PRKCB: variants seen among roughly 807,000 people sequenced by gnomAD.
PRKCB encodes protein kinase C beta type.
PRKCB carries 13 observed loss-of-function variants against 81.5 expected under a neutral mutation model. The observed-to-expected ratio is 0.16, with a 90% CI of 0.10 to 0.25. PRKCB has a LOEUF of 0.25. Among genes scored for constraint, PRKCB ranks in the 10% least tolerant of loss-of-function variants. The pLI, the probability that PRKCB is intolerant of heterozygous loss-of-function variation, is 1.00. For synonymous variants in PRKCB, 335 were observed against 321.4 expected (o/e 1.04, Z -0.45); for missense variants, 509 against 875.7 (o/e 0.58, Z 5.29).
chr16:24,097,475 A>C (rs931141326), intron 7 of PRKCB, among the ~76,000 whole-genome samples: 8 of 152,236 alleles, frequency 5.3e-5, no homozygotes, highest in Non-Finnish European at 1.0e-4. Flanking sequence ...AACATTGAAC[A>C]AGGAATTACG....
intron 2 of PRKCB, among the ~76,000 whole-genome samples, chr16:23,953,713 C>G (rs1361174018): frequency 1.3e-5 from 2 of 152,100 alleles, no homozygotes; most frequent in African/African-American, 4.8e-5. Flanking sequence ...TTCATTCATT[C>G]ATTTACTTGT....
chr16:24,191,406 T>C (rs1248661991), intron 16 of PRKCB, 176 bp downstream of exon 16: 10 of 664,818 alleles, frequency 1.5e-5, no homozygotes, highest in Middle Eastern at 3.4e-4. Context: ...ACATTTTCCA[T>C]TGGCCCAGCT....
chr16:24,008,953 T>C (rs1169505395), intron 3 of PRKCB, among the ~76,000 whole-genome samples: 1 of 152,222 alleles, frequency 6.6e-6, no homozygotes, highest in Admixed American at 6.5e-5. Context: ...ATCTAGTATT[T>C]GTTTTCCTGT....
At chr16:24,191,294 A>G (rs198145) in intron 16 of PRKCB, 64 bp downstream of exon 16, 626,386 of 1,585,452 alleles carry the variant, frequency 0.4, 126,454 homozygotes, top group African/African-American at 0.52. Flanking sequence ...CCTGTGCCTC[A>G]TGTTTTCCAA....
In PRKCB at chr16:23,961,631, C is replaced by T. The variant is rs196007; in HGVS notation, c.206-26877C>T. ...ATTTCTAAACCAATCACAGTTGCCACGGAGATGTAATACAGGTTGAGCATC... is the reference window on the plus strand; with the variant it reads ...ATTTCTAAACCAATCACAGTTGCCATGGAGATGTAATACAGGTTGAGCATC... On this transcript the variant is annotated intron_variant, in intron 2 of 16. Transcript: ENST00000643927. Among the ~76,000 whole-genome samples the T allele has an allele frequency of 3.9e-3, 590 of 152,228 alleles. 4 individuals are homozygous for T. Among genetic ancestry groups the T allele is most frequent in the Non-Finnish European group, 7.3e-3 (496 of 68,020 alleles).
intron 2 of PRKCB, among the ~76,000 whole-genome samples, chr16:23,909,327 C>T (rs1369688959): frequency 6.6e-6 from 1 of 152,082 alleles, no homozygotes; most frequent in East Asian, 1.9e-4. Context: ...GCTTAAGTGA[C>T]GGAAATGTAT....
Position 23,912,507 on chromosome 16 carries a change from C to CTTTTTTTTTTTTTT in PRKCB, c.205+75111_205+75124dup, listed in dbSNP as rs1210105406. ...TCTTCTTTTCCTTTCTTTCTTTCTT[C>CTTTTTTTTTTTTTT]TTTTTTTTTTTTTTTTTTTTTTTGA... On this transcript the variant is annotated intron_variant, in intron 2 of 16. Coordinates refer to ENST00000643927, the MANE Select transcript of PRKCB (RefSeq NM_002738.7). 1.1e-3 allele frequency among the ~76,000 whole-genome samples: 77 copies of CTTTTTTTTTTTTTT among 72,084 alleles called. 3 individuals carry two copies. The highest frequency in any genetic ancestry group is 1.9e-3 in the East Asian group (4 of 2,142). 47.3% of individuals were successfully genotyped at this position (72,084 alleles called of 152,430 possible).
intron 2 of PRKCB, among the ~76,000 whole-genome samples, chr16:23,969,990 T>C (rs1349123093): frequency 1.3e-5 from 2 of 152,188 alleles, no homozygotes; most frequent in African/African-American, 2.4e-5. Flanking sequence ...TTCCAGGCTA[T>C]TTTTGAGCCC....
chr16:24,194,361 C>CA (rs568973066), intron 16 of PRKCB, among the ~76,000 whole-genome samples: 3,304 of 147,482 alleles, frequency 0.022, 55 homozygotes, highest in Non-Finnish European at 0.029. Context: ...CAAAAAACAA[C>CA]AAAAAAAAAA....
chr16:24,089,388 A>G (rs527465688), intron 5 of PRKCB, among the ~76,000 whole-genome samples: 3 of 152,270 alleles, frequency 2.0e-5, no homozygotes, highest in Non-Finnish European at 2.9e-5. Flanking sequence ...GGTTCGAGTA[A>G]ACATCGAATG....
intron 2 of PRKCB, among the ~76,000 whole-genome samples, chr16:23,933,107 A>T (rs1964001195): frequency 6.6e-6 from 1 of 152,200 alleles, no homozygotes; most frequent in Non-Finnish European, 1.5e-5. Context: ...CCCAGGGGAC[A>T]GTGCATGCAT....
At position 24,191,085 on chromosome 16, in the gene PRKCB, C is replaced by T. The variant is rs745704176; in HGVS notation, c.1723-5C>T. ...GCAAATTCAATGTTTTTCTTTCTCT[C>T]GAAGCTGATGACCAAACACCCAGGC... On this transcript the variant is annotated splice_polypyrimidine_tract_variant and splice_region_variant and intron_variant, in intron 15 of 16. Transcript: ENST00000643927. The T allele has an allele frequency of 8.7e-6, 14 of 1,611,830 alleles. 1 individual carries two copies. The Admixed American group carries it at 1.2e-4, about 13-fold the overall frequency.
At chr16:24,096,666 A>AAAAAT (rs1406204037) in intron 7 of PRKCB, among the ~76,000 whole-genome samples, 2 of 32,704 alleles carry the variant, frequency 6.1e-5, no homozygotes, top group South Asian at 1.5e-3. Context: ...AAAAAAAAAA[A>AAAAAT]ATATATATAT....
chr16:23,837,315 A>C (rs1176633739), intron 1 of PRKCB, 60 bp from the exon 2 acceptor site: 2 of 1,602,660 alleles, frequency 1.2e-6, no homozygotes, highest in East Asian at 4.5e-5. Flanking sequence ...CTCTGTGGGT[A>C]ACTAGCTGGA....
At chr16:23,911,153 T>TTTTTTTTTTTTTTTTTTTTTTTA in intron 2 of PRKCB, among the ~76,000 whole-genome samples, 1 of 140,908 alleles carries the variant, frequency 7.1e-6, no homozygotes, top group African/African-American at 2.7e-5. Flanking sequence ...TTTTTTTTTT[T>TTTTTTTTTTTTTTTTTTTTTTTA]GAGACAAGGT....
chr16:23,967,753 A>G (rs1203936106), intron 2 of PRKCB, among the ~76,000 whole-genome samples: 1 of 152,076 alleles, frequency 6.6e-6, no homozygotes, highest in Non-Finnish European at 1.5e-5. Context: ...CCCAGGTTCA[A>G]GAGATTCTCC....
At chr16:24,210,493 TTTC>T (rs1360872714) in intron 16 of PRKCB, among the ~76,000 whole-genome samples, 2 of 149,600 alleles carry the variant, frequency 1.3e-5, no homozygotes, top group African/African-American at 5.0e-5. Context: ...TCCCCTGGAC[TTTC>T]TTCTTCTTTT....
chr16:24,193,417 C>G (rs1363226062), intron 16 of PRKCB, among the ~76,000 whole-genome samples: 1 of 150,666 alleles, frequency 6.6e-6, no homozygotes, highest in African/African-American at 2.5e-5. Context: ...TGCACTCCAG[C>G]CTGGGCGACA....
chr16:24,146,347 C>T (rs1966988797), intron 9 of PRKCB, among the ~76,000 whole-genome samples: 1 of 152,182 alleles, frequency 6.6e-6, no homozygotes, highest in African/African-American at 2.4e-5. Context: ...TATAATTTGC[C>T]ATGCACAGTG....
Sources: allele counts gnomAD v4.1 joint callset (sites outside exome capture counted in the v4.1 genomes callset), GRCh38; gene constraint gnomAD v4.1.1; transcripts MANE v1.5; gene names NCBI Gene and HGNC (gene_info 2026-07-23, HGNC 2026-07-21).